TPTE: variants seen among roughly 807,000 people sequenced by gnomAD.
TPTE encodes putative tyrosine-protein phosphatase TPTE.
In TPTE, 59 loss-of-function variants were observed where a neutral mutation model predicts 84.1. The ratio of observed to expected loss-of-function variants is 0.70; its 90% confidence interval spans 0.57 to 0.87. The LOEUF (loss-of-function observed/expected upper bound fraction) is 0.87. Among genes scored for constraint, TPTE ranks in the 40% least tolerant of loss-of-function variants. The pLI, the probability that TPTE is intolerant of heterozygous loss-of-function variation, is 0.00. For missense variants in TPTE, 382 were observed against 659.6 expected, an observed-to-expected ratio of 0.58 and a Z score of 4.61; for synonymous variants, 130 against 223.5, an observed-to-expected ratio of 0.58 and a Z score of 3.73.
intron 19 of TPTE, among the ~76,000 whole-genome samples, chr21:10,594,060 A>G (rs2075535095): frequency 6.6e-6 from 1 of 152,308 alleles, no homozygotes; most frequent in African/African-American, 2.4e-5. Flanking sequence ...TCCATGCTTA[A>G]AATCCATACT....
At chr21:10,601,924 ATTTATGTATGTAGTGATTGGG>A in intron 21 of TPTE, 113 bp from the exon 22 acceptor site, 2 of 870,738 alleles carry the variant, frequency 2.3e-6, no homozygotes, top group Non-Finnish European at 3.6e-6. Context: ...ATTAATAATT[ATTTATGTATGTAGTGATTGGG>A]CTGTGAGACC....
At chr21:10,555,232 G>A (rs377567101) in intron 8 of TPTE, among the ~76,000 whole-genome samples, 9 of 151,724 alleles carry the variant, frequency 5.9e-5, no homozygotes, top group East Asian at 3.9e-4. Flanking sequence ...TTTTTGAGCC[G>A]GAGTCTCGCT....
chr21:10,522,299 A>C (rs1165323985), intron 1 of TPTE, among the ~76,000 whole-genome samples: 14 of 137,028 alleles, frequency 1.0e-4, no homozygotes, highest in East Asian at 4.6e-4. Context: ...ACGCTGCACG[A>C]TTTAGAAGGG....
At chr21:10,604,075 A>C (rs1978958523) in intron 23 of TPTE, among the ~76,000 whole-genome samples, 1 of 152,306 alleles carries the variant, frequency 6.6e-6, no homozygotes, top group South Asian at 2.1e-4. Context: ...TGACACACTT[A>C]TATCTAGGAG....
chr21:10,562,433 C>G (rs571181617), intron 10 of TPTE, among the ~76,000 whole-genome samples: 8 of 152,416 alleles, frequency 5.2e-5, no homozygotes, highest in African/African-American at 1.7e-4. Context: ...GGGGCCAATC[C>G]TGTAGAAACA....
chr21:10,527,042 C>T (rs200922248), intron 2 of TPTE, among the ~76,000 whole-genome samples: 1 of 152,312 alleles, frequency 6.6e-6, no homozygotes, highest in East Asian at 1.9e-4. Context: ...GACTTATCTA[C>T]TTGTTTATTT....
At chr21:10,585,906 G>A (rs1381264178) in intron 17 of TPTE, among the ~76,000 whole-genome samples, 79 of 152,316 alleles carry the variant, frequency 5.2e-4, no homozygotes, top group Non-Finnish European at 9.7e-4. Flanking sequence ...CCATTTTAGT[G>A]TCTGCAGAGA....
At chr21:10,564,273 G>A (rs540818833) in intron 10 of TPTE, among the ~76,000 whole-genome samples, 1 of 152,428 alleles carries the variant, frequency 6.6e-6, no homozygotes, top group East Asian at 1.9e-4. Context: ...ACTTTGGGAG[G>A]CAGAGGCGGG....
At chr21:10,524,974 ACATTTTAGG>A (rs1267860420) in intron 2 of TPTE, among the ~76,000 whole-genome samples, 13 of 152,302 alleles carry the variant, frequency 8.5e-5, no homozygotes, top group Admixed American at 6.5e-4. Flanking sequence ...TCATTCTATG[ACATTTTAGG>A]CAGTGTGATA....
intron 5 of TPTE, among the ~76,000 whole-genome samples, chr21:10,541,760 C>T (rs1417430698): frequency 2.0e-5 from 3 of 152,310 alleles, no homozygotes; most frequent in Non-Finnish European, 2.9e-5. Context: ...GTGTACCAGA[C>T]ATACCAGAGT....
intron 7 of TPTE, 78 bp from the exon 8 acceptor site, chr21:10,552,579 T>A (rs576513958): frequency 1.9e-6 from 3 of 1,600,242 alleles, no homozygotes; most frequent in Non-Finnish European, 2.6e-6. Context: ...ATTCTTGCTA[T>A]TCAAATATAT....
chr21:10,562,626 C>T (rs542405892), intron 10 of TPTE, among the ~76,000 whole-genome samples: 515 of 152,154 alleles, frequency 3.4e-3, no homozygotes, highest in African/African-American at 0.012. Flanking sequence ...ATTGGCATGC[C>T]GAAGAATGCA....
intron 7 of TPTE, among the ~76,000 whole-genome samples, chr21:10,549,285 A>C (rs2074528611): frequency 6.6e-6 from 1 of 152,310 alleles, no homozygotes; most frequent in Non-Finnish European, 1.5e-5. Flanking sequence ...GATGCGTAGA[A>C]ATCAATTTAG....
At chr21:10,563,864 A>C (rs1344892592) in intron 10 of TPTE, among the ~76,000 whole-genome samples, 1 of 152,304 alleles carries the variant, frequency 6.6e-6, no homozygotes, top group Non-Finnish European at 1.5e-5. Context: ...TGGATGAAAG[A>C]ACAAGACCCA....
At chr21:10,542,784 A>G (rs1237613777) in intron 6 of TPTE, among the ~76,000 whole-genome samples, 1 of 152,296 alleles carries the variant, frequency 6.6e-6, no homozygotes, top group Non-Finnish European at 1.5e-5. Flanking sequence ...GTCTCATTGT[A>G]GCATTTGTTA....
At chr21:10,552,432 G>C (rs1164693082) in intron 7 of TPTE, among the ~76,000 whole-genome samples, 2 of 152,296 alleles carry the variant, frequency 1.3e-5, no homozygotes, top group Non-Finnish European at 1.5e-5. Context: ...GAGAAAAGAA[G>C]ATAAAAATAT....
intron 3 of TPTE, among the ~76,000 whole-genome samples, chr21:10,537,405 G>A (rs1212663369): frequency 3.3e-5 from 5 of 152,422 alleles, no homozygotes; most frequent in South Asian, 2.1e-4. Flanking sequence ...GAGGCTGGCC[G>A]TGGTGGCTCA....
At chr21:10,523,312 T>TC (rs1568946453) in intron 1 of TPTE, among the ~76,000 whole-genome samples, 1 of 152,228 alleles carries the variant, frequency 6.6e-6, no homozygotes, top group East Asian at 1.9e-4. Flanking sequence ...GTATTTTTTT[T>TC]ATTATACTTT....
chr21:10,567,171 A>G (rs4126575), intron 10 of TPTE, among the ~76,000 whole-genome samples: 1 of 151,044 alleles, frequency 6.6e-6, no homozygotes, highest in Non-Finnish European at 1.5e-5. Context: ...ATCAGAGGCT[A>G]GGAATGGTAG....
Sources: allele counts gnomAD v4.1 joint callset (sites outside exome capture counted in the v4.1 genomes callset), GRCh38; gene constraint gnomAD v4.1.1; transcripts MANE v1.5; gene names NCBI Gene and HGNC (gene_info 2026-07-23, HGNC 2026-07-21).